The following KCNH7 variants were observed in gnomAD, a reference collection of about 807,000 sequenced individuals.
KCNH7 encodes potassium voltage-gated channel subfamily H member 7.
Under a neutral mutation model 120.8 loss-of-function variants are expected in KCNH7, and 49 were observed. The observed-to-expected ratio is 0.41, with a 90% CI of 0.32 to 0.51. The LOEUF is 0.51. Among genes scored for constraint, KCNH7 ranks in the 20% least tolerant of loss-of-function variants. The probability of loss-of-function intolerance (pLI) is 0.38; values close to 1 mark genes in which losing one functional copy is unlikely to be tolerated. For synonymous variants in KCNH7, 547 were observed against 516.1 expected (o/e 1.06, Z -0.81); for missense variants, 1,097 against 1,446.6 (o/e 0.76, Z 3.92).
chr2:162,442,987 A>G (rs141905626), intron 7 of KCNH7, among the ~76,000 whole-genome samples: 2 of 152,316 alleles, frequency 1.3e-5, no homozygotes, highest in East Asian at 3.9e-4. Context: ...TCATCTATGA[A>G]CATATGAAAG....
intron 2 of KCNH7, among the ~76,000 whole-genome samples, chr2:162,554,980 C>T (rs1307073969): frequency 6.6e-6 from 1 of 152,164 alleles, no homozygotes; most frequent in African/African-American, 2.4e-5. Flanking sequence ...ATGACACTGA[C>T]AAATCAAAAG....
chr2:162,488,124 G>A (rs1690163007), intron 6 of KCNH7, among the ~76,000 whole-genome samples: 1 of 152,170 alleles, frequency 6.6e-6, no homozygotes, highest in Non-Finnish European at 1.5e-5. Flanking sequence ...ACAACAACTG[G>A]TGAAGAAAGA....
At chr2:162,407,204 AT>A (rs568456191) in intron 9 of KCNH7, among the ~76,000 whole-genome samples, 668 of 152,140 alleles carry the variant, frequency 4.4e-3, no homozygotes, top group Non-Finnish European at 7.4e-3. Context: ...GCTTTTCAAC[AT>A]TTGGCATATG....
Position 162,517,755 on chromosome 2 carries a change from T to C in KCNH7, c.867A>G (p.Ile289Met). The change falls in exon 4 of 16, where the codon ATA becomes ATG. Residue 289 changes from isoleucine (I) to methionine (M), a missense_variant. By Grantham distance (10) the Ile-to-Met change is conservative. This residue lies in a region of KCNH7 where 362 missense variants were observed against 372.2 expected (regional missense o/e 0.97). Transcript: ENST00000332142. ...IEGFGVHPKN[I>M]FRDRHASEDN... is the part of the protein sequence containing the mutation. Reference sequence around the variant, plus strand: ...CTTCGCTGGCATGTCGGTCTCTAAATATGTTCTTGGGGTGGACGCCGAATC... The same window carrying C: ...CTTCGCTGGCATGTCGGTCTCTAAACATGTTCTTGGGGTGGACGCCGAATC... 6.3e-7 allele frequency: 1 copy of C among 1,575,694 alleles called. No individual in the cohort carries two copies. The highest frequency in any genetic ancestry group is 1.7e-5 in the Admixed American group (1 of 57,998).
intron 2 of KCNH7, among the ~76,000 whole-genome samples, chr2:162,788,288 C>T (rs1683786830): frequency 6.6e-6 from 1 of 151,992 alleles, no homozygotes; most frequent in Non-Finnish European, 1.5e-5. Context: ...GGACATAACC[C>T]CATCATAAGT....
At chr2:162,419,203 T>A (rs1376612738) in intron 9 of KCNH7, among the ~76,000 whole-genome samples, 1 of 148,866 alleles carries the variant, frequency 6.7e-6, no homozygotes, top group African/African-American at 2.5e-5. Flanking sequence ...AGTTTATACC[T>A]CTTCCTAGGC....
Position 162,384,872 on chromosome 2 carries a change from G to A in KCNH7, c.2778C>T (p.His926=), listed in dbSNP as rs753863806. ...AGGATCTGCTTTTTTTCTCTTCAAA[G>A]TGTCTCTTGGAACTCTGATAATGTC... ...TIRHYQSSKR[H]FEEKKSRSSS... The change falls in exon 13 of 16, where the codon CAC becomes CAT. Residue 926 remains histidine (H), a synonymous_variant. Coordinates refer to ENST00000332142, the MANE Select transcript of KCNH7 (RefSeq NM_033272.4). 9 of 1,612,406 alleles carry A rather than the reference G, an allele frequency of 5.6e-6. No individual in the cohort carries two copies. The highest frequency in any genetic ancestry group is 6.8e-6 in the Non-Finnish European group (8 of 1,178,808).
At chr2:162,753,183 C>T (rs1474142296) in intron 2 of KCNH7, among the ~76,000 whole-genome samples, 3 of 151,680 alleles carry the variant, frequency 2.0e-5, no homozygotes. Context: ...GTTTGCTCAT[C>T]GTGAGAATGG....
chr2:162,404,362 T>C (rs1481036560), intron 9 of KCNH7, among the ~76,000 whole-genome samples: 1 of 151,944 alleles, frequency 6.6e-6, no homozygotes, highest in African/African-American at 2.4e-5. Context: ...GAAGTTATCA[T>C]TCTTTTAGCA....
At chr2:162,639,478 T>C (rs1684073661) in intron 2 of KCNH7, among the ~76,000 whole-genome samples, 1 of 152,122 alleles carries the variant, frequency 6.6e-6, no homozygotes, top group African/African-American at 2.4e-5. Flanking sequence ...TCATAGCTAG[T>C]CCTGACTAAC....
At chr2:162,544,511 C>T (rs561901650) in intron 2 of KCNH7, among the ~76,000 whole-genome samples, 6 of 152,242 alleles carry the variant, frequency 3.9e-5, no homozygotes, top group East Asian at 1.9e-4. Flanking sequence ...TTGTCCCTCC[C>T]GTCCCTTGGT....
rs562865452 is a variant in KCNH7, at chr2:162,557,765, C to T, written c.308-20685G>A. Among the ~76,000 whole-genome samples, 9 of 152,112 alleles carry T rather than the reference C, an allele frequency of 5.9e-5. No homozygotes were observed. The East Asian group carries it at 7.7e-4, about 13-fold the overall frequency. Reference sequence around the variant, plus strand: ...TGATTATTATAAACAATGCGGAATACGCTACTTTACACTTCTGAAAGTCTA... The same window carrying T: ...TGATTATTATAAACAATGCGGAATATGCTACTTTACACTTCTGAAAGTCTA... On this transcript the variant is annotated intron_variant, in intron 2 of 15. Transcript: ENST00000332142.
intron 6 of KCNH7, among the ~76,000 whole-genome samples, chr2:162,452,112 A>T (rs1490743240): frequency 6.6e-6 from 1 of 152,096 alleles, no homozygotes; most frequent in African/African-American, 2.4e-5. Flanking sequence ...TTTATAAAGG[A>T]AATGTTATAA....
chr2:162,573,226 G>A (rs1047772501), intron 2 of KCNH7, among the ~76,000 whole-genome samples: 6 of 152,122 alleles, frequency 3.9e-5, no homozygotes, highest in African/African-American at 1.2e-4. Flanking sequence ...AGTCAAAAGG[G>A]AAATTATGAT....
chr2:162,543,619 G>A (rs145269722), intron 2 of KCNH7, among the ~76,000 whole-genome samples: 1 of 152,074 alleles, frequency 6.6e-6, no homozygotes, highest in Admixed American at 6.6e-5. Flanking sequence ...CAGTGATATT[G>A]AGTAGTAAAT....
At chr2:162,487,068 A>G (rs1167211869) in intron 6 of KCNH7, among the ~76,000 whole-genome samples, 1 of 152,204 alleles carries the variant, frequency 6.6e-6, no homozygotes, top group Non-Finnish European at 1.5e-5. Flanking sequence ...AACTTTTACA[A>G]TCATTCAATA....
intron 2 of KCNH7, among the ~76,000 whole-genome samples, chr2:162,811,024 A>G (rs1684715436): frequency 1.3e-5 from 2 of 152,156 alleles, no homozygotes; most frequent in Admixed American, 6.6e-5. Flanking sequence ...AATGAATTCA[A>G]TTTGACATAA....
chr2:162,573,887 A>G (rs935244426), intron 2 of KCNH7, among the ~76,000 whole-genome samples: 12 of 151,996 alleles, frequency 7.9e-5, no homozygotes, highest in African/African-American at 2.9e-4. Flanking sequence ...ATGCAAGGAC[A>G]TTGTGGCATA....
intron 2 of KCNH7, among the ~76,000 whole-genome samples, chr2:162,727,336 T>G (rs758938641): frequency 5.3e-5 from 8 of 152,218 alleles, no homozygotes; most frequent in Non-Finnish European, 1.2e-4. Context: ...AAATTATTTC[T>G]GTTTTTAAAT....
Sources: allele counts gnomAD v4.1 joint callset (sites outside exome capture counted in the v4.1 genomes callset), GRCh38; gene constraint gnomAD v4.1.1; regional missense constraint gnomAD v4.1.1; transcripts MANE v1.5; gene names NCBI Gene and HGNC (gene_info 2026-07-23, HGNC 2026-07-21).